Variants in NLN observed in about 807,000 individuals in gnomAD.
The protein encoded by NLN is neurolysin, mitochondrial.
A neutral mutation model predicts 79.9 loss-of-function variants in NLN; 64 were observed. The observed-to-expected ratio is 0.80, with a 90% CI of 0.65 to 0.99. The LOEUF is 0.99. Ranked by LOEUF, NLN falls within the 50% of genes least tolerant of loss-of-function variation. The pLI is 0.00. For missense variants in NLN, 835 were observed against 858.7 expected (o/e 0.97, Z 0.34); for synonymous variants, 267 against 296.6 (o/e 0.90, Z 1.02).
intron 1 of NLN, among the ~76,000 whole-genome samples, chr5:65,738,975 ATATATTATATATTTATATATATT>A (rs1758804529): frequency 4.5e-5 from 1 of 22,340 alleles, no homozygotes; most frequent in African/African-American, 1.6e-4. Context: ...ATATAAATAT[ATATATTATATATTTATATATATT>A]TTATAATATA....
Position 65,778,334 on chromosome 5 carries a change from C to G in NLN, c.558+800C>G, listed in dbSNP as rs78315417. 5.9e-3 allele frequency among the ~76,000 whole-genome samples: 902 copies of G among 152,266 alleles called. 6 individuals carry two copies. The highest frequency in any genetic ancestry group is 0.021 in the African/African-American group (858 of 41,554). ...TATACTCCATGATTTATTTCCAGGTCATTCTTCTAGCCAGCAGGACTGGAA... is the reference window on the plus strand; with the variant it reads ...TATACTCCATGATTTATTTCCAGGTGATTCTTCTAGCCAGCAGGACTGGAA... On this transcript the variant is annotated intron_variant, in intron 4 of 12. Coordinates refer to ENST00000380985, the MANE Select transcript of NLN (RefSeq NM_020726.5).
chr5:65,797,042 G>A (rs982686321), intron 9 of NLN, among the ~76,000 whole-genome samples: 1 of 152,212 alleles, frequency 6.6e-6, no homozygotes, highest in African/African-American at 2.4e-5. Context: ...CATTCAGGAC[G>A]TGAGTTTCAC....
chr5:65,803,837 C>G (rs1417811491), intron 9 of NLN, among the ~76,000 whole-genome samples: 1 of 152,204 alleles, frequency 6.6e-6, no homozygotes, highest in Non-Finnish European at 1.5e-5. Context: ...GTTCCTGGCT[C>G]CTGCCAGCTC....
chr5:65,722,209 G>T lies in NLN; in HGVS notation c.-165G>T. The T allele has an allele frequency of 2.8e-6, 1 of 355,464 alleles. No individual in the cohort carries two copies. Among genetic ancestry groups the T allele is most frequent in the Non-Finnish European group, 4.9e-6 (1 of 203,014 alleles). 22.0% of individuals were successfully genotyped at this position (355,464 alleles called of 1,614,324 possible). On this transcript the variant is annotated 5_prime_UTR_variant, in exon 1 of 13. Coordinates refer to ENST00000380985, the MANE Select transcript of NLN (RefSeq NM_020726.5). ...ACGGCGCGGGGCGGGGCTGGTAGGCGCCGGCGTGGAGCTGCCGCACGTGGG... is the reference window on the plus strand; with the variant it reads ...ACGGCGCGGGGCGGGGCTGGTAGGCTCCGGCGTGGAGCTGCCGCACGTGGG...
At position 65,773,196 on chromosome 5, in the gene NLN, A is replaced by G. The variant is rs576763838; in HGVS notation, c.451-4231A>G. 4.1e-5 allele frequency among the ~76,000 whole-genome samples: 6 copies of G among 146,066 alleles called. No homozygotes were observed. The South Asian group carries it at 8.6e-4, about 21-fold the overall frequency. ...GCCCAGGCTGGAGTGCAGTAGCTCA[A>G]TCTTGGCTCACTGCAACCTCTGCCT... On this transcript the variant is annotated intron_variant, in intron 3 of 12. Coordinates refer to ENST00000380985, the MANE Select transcript of NLN (RefSeq NM_020726.5).
Position 65,827,591 on chromosome 5 carries a change from A to G in NLN, c.*4676A>G, listed in dbSNP as rs1760943855. On this transcript the variant is annotated 3_prime_UTR_variant, in exon 13 of 13. Coordinates refer to ENST00000380985, the MANE Select transcript of NLN (RefSeq NM_020726.5). Reference sequence around the variant, plus strand: ...TATTGAAACAGTCTGAGATAGTTGCATGATGATTAACGTTAAACTGGGAGT... The same window carrying G: ...TATTGAAACAGTCTGAGATAGTTGCGTGATGATTAACGTTAAACTGGGAGT... 6.6e-6 allele frequency: 1 copy of G among 152,242 alleles called. No individual in the cohort carries two copies. Among genetic ancestry groups the G allele is most frequent in the African/African-American group, 2.4e-5 (1 of 41,452 alleles). The allele number at this position is 152,242 out of a possible 1,614,324, so 9.4% of individuals were successfully genotyped here.
chr5:65,762,336 A>C (rs1400705100), intron 2 of NLN, among the ~76,000 whole-genome samples: 1 of 152,082 alleles, frequency 6.6e-6, no homozygotes, highest in African/African-American at 2.4e-5. Flanking sequence ...CCCAGATCCT[A>C]AGAAGCCTCA....
chr5:65,722,657 C>A, intron 1 of NLN: 1 of 512,894 alleles, frequency 1.9e-6, no homozygotes, highest in South Asian at 2.4e-5. Context: ...CTGCCTCAGC[C>A]GCAGTCAGCG....
intron 1 of NLN, among the ~76,000 whole-genome samples, chr5:65,723,962 AAAATT>A (rs1026449383): frequency 2.0e-5 from 3 of 151,602 alleles, no homozygotes; most frequent in African/African-American, 4.9e-5. Flanking sequence ...AAGCTGGAAA[AAAATT>A]AAAGTAGTTG....
chr5:65,788,708 A>G (rs1295938588), intron 8 of NLN, among the ~76,000 whole-genome samples: 1 of 152,152 alleles, frequency 6.6e-6, no homozygotes, highest in Non-Finnish European at 1.5e-5. Context: ...GTGGTGGCTC[A>G]TGCCTGTAGT....
intron 1 of NLN, among the ~76,000 whole-genome samples, chr5:65,749,125 C>T (rs1759049441): frequency 6.6e-6 from 1 of 152,196 alleles, no homozygotes; most frequent in African/African-American, 2.4e-5. Flanking sequence ...GCCTCCCAGC[C>T]ATGTGGAACT....
intron 1 of NLN, among the ~76,000 whole-genome samples, chr5:65,744,669 CG>C (rs1198505633): frequency 6.6e-6 from 1 of 152,032 alleles, no homozygotes; most frequent in African/African-American, 2.4e-5. Flanking sequence ...GAGGCCGAGG[CG>C]GGTGGATCAC....
rs747665173 is a variant in NLN at position 65,758,604 on chromosome 5, G to A, written c.79G>A (p.Gly27Arg). ...CAGGATTTTACTCAGAATGACGTTA[G>A]GAAGAGAAGTGATGTCTCCTCTTCA... is the stretch of plus-strand genomic sequence containing the variant. ...GSRILLRMTL[G>R]REVMSPLQAM... Residue 27 changes from glycine (G) to arginine (R), a missense_variant, in exon 2 of 13, where the codon GGA (glycine) becomes AGA (arginine). Coordinates refer to ENST00000380985, the MANE Select transcript of NLN (RefSeq NM_020726.5). 1.9e-6 allele frequency: 3 copies of A among 1,606,796 alleles called. No individual in the cohort carries two copies. Among genetic ancestry groups the A allele is most frequent in the Non-Finnish European group, 2.6e-6 (3 of 1,173,574 alleles).
intron 3 of NLN, among the ~76,000 whole-genome samples, chr5:65,770,924 C>G (rs1759553162): frequency 6.6e-6 from 1 of 151,950 alleles, no homozygotes; most frequent in African/African-American, 2.4e-5. Flanking sequence ...CGAAAAGAAG[C>G]AAAACTATAC....
At chr5:65,747,074 G>A (rs1758997489) in intron 1 of NLN, among the ~76,000 whole-genome samples, 3 of 152,024 alleles carry the variant, frequency 2.0e-5, no homozygotes, top group African/African-American at 7.2e-5. Flanking sequence ...GGAAGAGATT[G>A]GATAGGACCC....
rs1464725272 is a variant in NLN at position 65,825,706 on chromosome 5, G to C, written c.*2791G>C. ...CTCTTCGGATGAAAAATTGCATTGT[G>C]GGAGATACCAAAATTGAGGAAATAG... On this transcript the variant is annotated 3_prime_UTR_variant, in exon 13 of 13. Coordinates refer to ENST00000380985, the MANE Select transcript of NLN (RefSeq NM_020726.5). 1.3e-5 allele frequency: 2 copies of C among 152,122 alleles called. No individual in the cohort carries two copies. The highest frequency in any genetic ancestry group is 2.9e-5 in the Non-Finnish European group (2 of 68,006). 9.4% of individuals were successfully genotyped at this position (152,122 alleles called of 1,614,324 possible).
chr5:65,756,327 A>T (rs1043025170), intron 1 of NLN, among the ~76,000 whole-genome samples: 1 of 152,018 alleles, frequency 6.6e-6, no homozygotes. Flanking sequence ...TTTTTCCCCC[A>T]AAAAGCCTCC....
At chr5:65,782,504 T>G (rs2150758032) in intron 6 of NLN, among the ~76,000 whole-genome samples, 1 of 152,358 alleles carries the variant, frequency 6.6e-6, no homozygotes, top group East Asian at 1.9e-4. Flanking sequence ...CTTCTGAATT[T>G]ATCCATCTCA....
rs1758751476 is a variant in NLN at position 65,737,407 on chromosome 5, CATT to C, written c.41+15001_41+15003del. On this transcript the variant is annotated intron_variant, in intron 1 of 12. Coordinates refer to ENST00000380985, the MANE Select transcript of NLN (RefSeq NM_020726.5). The stretch of plus-strand genomic sequence containing the variant: ...TGTATTAATACTTCCATAGTACAAA[CATT>C]ATTATTAATAATGTTTTTCTTCACC... Among the ~76,000 whole-genome samples the C allele has an allele frequency of 5.9e-5, 9 of 152,266 alleles. No individual in the cohort carries two copies. The South Asian group carries it at 1.9e-3, about 32-fold the overall frequency.
Sources: gnomAD v4.1 joint callset for allele counts (sites outside exome capture counted in the v4.1 genomes callset) on GRCh38, gnomAD v4.1.1 for gene constraint, MANE v1.5 for transcripts, NCBI Gene and HGNC (gene_info 2026-07-23, HGNC 2026-07-21) for gene names.